The following GREB1L variants were observed in gnomAD, a reference collection of about 807,000 sequenced individuals.
The protein encoded by GREB1L is GREB1 like retinoic acid receptor coactivator, also known as GREB1-like protein.
Under a neutral mutation model 200.8 loss-of-function variants are expected in GREB1L, and 17 were observed. That is an observed-to-expected ratio of 0.08 (90% CI 0.06 to 0.13). The LOEUF is 0.13. Ranked by LOEUF, GREB1L falls within the 10% of genes least tolerant of loss-of-function variation. The pLI is 1.00. For synonymous variants in GREB1L, 789 were observed against 893.0 expected (o/e 0.88, Z 2.08); for missense variants, 1,657 against 2,367.7 (o/e 0.70, Z 6.23).
At chr18:21,477,125 T>C in intron 16 of GREB1L, 39 bp from the exon 17 acceptor site, 1 of 1,374,876 alleles carries the variant, frequency 7.3e-7, no homozygotes, top group Non-Finnish European at 1.0e-6. Flanking sequence ...ATCTACTTGG[T>C]TAAATGAGGT....
chr18:21,328,816 T>G (rs1411341976), intron 1 of GREB1L, among the ~76,000 whole-genome samples: 1 of 152,170 alleles, frequency 6.6e-6, no homozygotes, highest in Non-Finnish European at 1.5e-5. Flanking sequence ...TCAGTTATTA[T>G]GTACTGTTTG....
At position 21,444,265 on chromosome 18, in the gene GREB1L, A is replaced by G; in HGVS notation, c.1249A>G (p.Ile417Val). Residue 417 changes from isoleucine to valine, a missense_variant, in exon 11 of 33, where the codon ATT (isoleucine) becomes GTT (valine). Physicochemically the swap from Ile to Val is conservative, Grantham distance 29 (BLOSUM62 3). Transcript: ENST00000424526. The stretch of plus-strand genomic sequence containing the variant: ...CTATTTCTATGGAAATGTTGGTGAC[A>G]TTGTTGTGAGTCCTCTGCTGGTGAA... ...LPYFYGNVGD[I>V]VVSPLLVNCY... 1 of 1,551,746 alleles carries G rather than the reference A, an allele frequency of 6.4e-7. No individual in the cohort carries two copies. Among genetic ancestry groups the G allele is most frequent in the East Asian group, 2.4e-5 (1 of 40,918 alleles).
At chr18:21,305,898 C>A (rs1394140289) in intron 1 of GREB1L, among the ~76,000 whole-genome samples, 1 of 152,146 alleles carries the variant, frequency 6.6e-6, no homozygotes, top group Admixed American at 6.5e-5. Context: ...AATACTCTTT[C>A]CCCAGATCTT....
intron 1 of GREB1L, among the ~76,000 whole-genome samples, chr18:21,346,227 C>T (rs896429453): frequency 2.6e-5 from 4 of 152,108 alleles, no homozygotes; most frequent in Non-Finnish European, 5.9e-5. Flanking sequence ...CTCATCCCAC[C>T]CTCTGTAACC....
chr18:21,452,842 A>G (rs1381833286), intron 14 of GREB1L, among the ~76,000 whole-genome samples: 1 of 152,214 alleles, frequency 6.6e-6, no homozygotes, highest in African/African-American at 2.4e-5. Flanking sequence ...AGGAGAAAGG[A>G]TAGTTGGGAG....
intron 1 of GREB1L, among the ~76,000 whole-genome samples, chr18:21,347,892 G>A (rs1355733772): frequency 7.2e-6 from 1 of 138,342 alleles, no homozygotes. Context: ...TCAGCCTCCC[G>A]AGTAGCTGGG....
chr18:21,334,396 G>A (rs1224512673), intron 1 of GREB1L, among the ~76,000 whole-genome samples: 4 of 152,152 alleles, frequency 2.6e-5, no homozygotes, highest in South Asian at 2.1e-4. Flanking sequence ...AAACTAAAGT[G>A]ATGATTCTCA....
chr18:21,479,752 T>A (rs2035849089), intron 17 of GREB1L, among the ~76,000 whole-genome samples: 1 of 152,178 alleles, frequency 6.6e-6, no homozygotes, highest in Admixed American at 6.5e-5. Flanking sequence ...GTTATTTATT[T>A]TTACGTTTTT....
intron 17 of GREB1L, among the ~76,000 whole-genome samples, chr18:21,481,429 GTATA>G (rs1433708479): frequency 7.2e-6 from 1 of 139,512 alleles, no homozygotes; most frequent in Non-Finnish European, 1.5e-5. Context: ...TTGAGCAACA[GTATA>G]TATGTATGTG....
At chr18:21,257,588 C>G (rs192882262) in intron 1 of GREB1L, among the ~76,000 whole-genome samples, 66 of 152,168 alleles carry the variant, frequency 4.3e-4, no homozygotes, top group African/African-American at 1.5e-3. Context: ...GACCTCTGAG[C>G]CAGTGGTATG....
chr18:21,406,896 A>G (rs1368897343), intron 7 of GREB1L, among the ~76,000 whole-genome samples: 1 of 103,300 alleles, frequency 9.7e-6, no homozygotes, highest in African/African-American at 4.5e-5. Context: ...TTTTTTTGAT[A>G]CGGAGTCTCA....
chr18:21,505,633 C>T, intron 24 of GREB1L, 66 bp downstream of exon 24: 1 of 1,507,034 alleles, frequency 6.6e-7, no homozygotes, highest in Non-Finnish European at 9.0e-7. Context: ...GGGTGCCTTA[C>T]ATCTCACTTT....
At chr18:21,451,990 C>T in intron 13 of GREB1L, 93 bp from the exon 14 acceptor site, 1 of 1,196,566 alleles carries the variant, frequency 8.4e-7, no homozygotes, top group Non-Finnish European at 1.2e-6. Context: ...AACAAATCTA[C>T]TGAGAACAGC....
chr18:21,377,223 A>G (rs1331686210), intron 2 of GREB1L, among the ~76,000 whole-genome samples: 1 of 151,952 alleles, frequency 6.6e-6, no homozygotes, highest in Non-Finnish European at 1.5e-5. Context: ...GGCAGCCTCT[A>G]TCCCCGGTGA....
At chr18:21,287,594 A>G (rs1373511578) in intron 1 of GREB1L, among the ~76,000 whole-genome samples, 1 of 152,118 alleles carries the variant, frequency 6.6e-6, no homozygotes, top group Non-Finnish European at 1.5e-5. Context: ...ACTCACTCCT[A>G]CTTTTAACAA....
chr18:21,436,540 G>A (rs546257650), intron 7 of GREB1L, among the ~76,000 whole-genome samples: 10 of 152,114 alleles, frequency 6.6e-5, no homozygotes, highest in South Asian at 2.1e-4. Context: ...AGGCTGAGGC[G>A]GGAGGATGGC....
chr18:21,244,185 T>C (rs938000101), intron 1 of GREB1L, among the ~76,000 whole-genome samples: 6 of 151,880 alleles, frequency 4.0e-5, no homozygotes, highest in African/African-American at 1.4e-4. Flanking sequence ...TAAACTAATA[T>C]CTCCTCCTGC....
intron 7 of GREB1L, among the ~76,000 whole-genome samples, chr18:21,407,899 C>T (rs574748624): frequency 4.3e-4 from 66 of 152,096 alleles, no homozygotes; most frequent in East Asian, 5.8e-4. Context: ...CTCACTTACA[C>T]GTGGGAGCTA....
At chr18:21,506,716 C>CA (rs1478103921) in intron 25 of GREB1L, among the ~76,000 whole-genome samples, 12 of 152,320 alleles carry the variant, frequency 7.9e-5, no homozygotes, top group Non-Finnish European at 1.5e-4. Flanking sequence ...GTCATATTCT[C>CA]ACACCTGCGT....
Sources: allele counts gnomAD v4.1 joint callset (sites outside exome capture counted in the v4.1 genomes callset), GRCh38; gene constraint gnomAD v4.1.1; transcripts MANE v1.5; gene names NCBI Gene and HGNC (gene_info 2026-07-23, HGNC 2026-07-21).